The following ADAT1 variants were observed in gnomAD, a reference collection of about 807,000 sequenced individuals.
ADAT1 encodes the protein adenosine deaminase tRNA specific 1, also known as tRNA-specific adenosine deaminase 1.
Under a neutral mutation model 58.6 loss-of-function variants are expected in ADAT1, and 58 were observed. The ratio of observed to expected loss-of-function variants is 0.99; its 90% CI spans 0.80 to 1.23. The LOEUF (loss-of-function observed/expected upper bound fraction) is 1.23. ADAT1 is among the 50% of genes most tolerant of loss of function. The pLI, the probability that ADAT1 is intolerant of heterozygous loss-of-function variation, is 0.00. For synonymous variants in ADAT1, 254 were observed against 220.8 expected, an observed-to-expected ratio of 1.15 and a Z score of -1.33; for missense variants, 741 against 608.6, an observed-to-expected ratio of 1.22 and a Z score of -2.29.
rs773536992 is a variant in ADAT1, at chr16:75,599,973, A to G, written c.*243T>C. On this transcript the variant is annotated 3_prime_UTR_variant, in exon 10 of 10. Transcript: ENST00000564657. ...AAACTCTGATTTCATATTTTAGAGA[A>G]GCAATAAAACACAATGGAAGTCAGA... is the stretch of plus-strand genomic sequence containing the variant. 1.2e-5 allele frequency: 15 copies of G among 1,232,456 alleles called. No individual in the cohort carries two copies. The highest frequency in any genetic ancestry group is 4.0e-5 in the Admixed American group (1 of 25,186). The allele number at this position is 1,232,456 out of a possible 1,614,324, so 76.3% of individuals were successfully genotyped here.
At position 75,597,908 on chromosome 16, in the gene ADAT1, C is replaced by T. The variant is rs1181182687; in HGVS notation, c.*2308G>A. Among the ~76,000 whole-genome samples the T allele has an allele frequency of 1.3e-5, 2 of 152,168 alleles. No individual in the cohort carries two copies. The highest frequency in any genetic ancestry group is 2.4e-5 in the African/African-American group (1 of 41,440). On this transcript the variant is annotated 3_prime_UTR_variant, in exon 10 of 10. Coordinates refer to ENST00000564657, the MANE Select transcript of ADAT1 (RefSeq NM_001324445.2). ...ATACAGATGAAACTTCAAGTGCTCACCTGTTACTTATCTCCTGCTGTGTGA... is the reference window on the plus strand; with the variant it reads ...ATACAGATGAAACTTCAAGTGCTCATCTGTTACTTATCTCCTGCTGTGTGA...
At chr16:75,614,789 C>G (rs960959796) in intron 5 of ADAT1, among the ~76,000 whole-genome samples, 17 of 152,358 alleles carry the variant, frequency 1.1e-4, no homozygotes, top group African/African-American at 4.1e-4. Flanking sequence ...GAGGCACATT[C>G]TCTAGGTAAT....
chr16:75,617,228 T>TCC lies in ADAT1; in HGVS notation c.336_337dup (p.Asp113GlyfsTer60). On this transcript the variant is annotated frameshift_variant, in exon 5 of 10. Transcript: ENST00000564657. LOFTEE classifies it high-confidence loss of function. ...TTGAGTTCCTGGGACAAAGATGCTA[T>TCC]CCTCTTTCAGGGTGGCTGCCAACTG... The TCC allele has an allele frequency of 6.2e-7, 1 of 1,614,040 alleles. No individual in the cohort carries two copies. Among genetic ancestry groups the TCC allele is most frequent in the Non-Finnish European group, 8.5e-7 (1 of 1,179,896 alleles).
At position 75,620,679 on chromosome 16, in the gene ADAT1, G is replaced by C; in HGVS notation, c.121C>G (p.Gln41Glu). ...WTLLAAVVKI[Q>E]SPADKACDTP... Reference sequence around the variant, plus strand: ...TCGCAGGCCTTGTCAGCTGGAGATTGTATCTTCACCACCGCTGCCAATAAT... The same window carrying C: ...TCGCAGGCCTTGTCAGCTGGAGATTCTATCTTCACCACCGCTGCCAATAAT... Residue 41 changes from glutamine (Q) to glutamate (E), a missense_variant, in exon 2 of 10, where the codon CAA (glutamine) becomes GAA (glutamate). Coordinates refer to ENST00000564657, the MANE Select transcript of ADAT1 (RefSeq NM_001324445.2). The C allele has an allele frequency of 6.2e-7, 1 of 1,613,970 alleles. No homozygotes were observed. Among genetic ancestry groups the C allele is most frequent in the Non-Finnish European group, 8.5e-7 (1 of 1,180,034 alleles).
Position 75,612,286 on chromosome 16 carries a change from AC to A in ADAT1, c.999del (p.Lys333AsnfsTer13), listed in dbSNP as rs752299175. The A allele has an allele frequency of 6.8e-6, 11 of 1,613,956 alleles. No individual in the cohort carries two copies. In the African/African-American group the frequency reaches 1.5e-4, roughly 22 times the overall value. ...TGCATGGCTTCCTGGCTGTATGGGCACTTCCCAATGACCACAGCTGACAGGT... is the reference window on the plus strand; with the variant it reads ...TGCATGGCTTCCTGGCTGTATGGGCATTCCCAATGACCACAGCTGACAGGT... ...PIYLSAVVIG[K>X]CPYSQEAMQR... On this transcript the variant is annotated frameshift_variant, in exon 6 of 10. Coordinates refer to ENST00000564657, the MANE Select transcript of ADAT1 (RefSeq NM_001324445.2). LOFTEE classifies it high-confidence loss of function.
chr16:75,601,172 C>G (rs1329960385), intron 9 of ADAT1, among the ~76,000 whole-genome samples: 1 of 152,024 alleles, frequency 6.6e-6, no homozygotes, highest in East Asian at 1.9e-4. Flanking sequence ...GAAACCCCAT[C>G]TCTACTAAAA....
At position 75,618,590 on chromosome 16, in the gene ADAT1, G is replaced by GGAAACTCCTTCTGGCTA. The variant is rs745738208; in HGVS notation, c.272_288dup (p.Gln97Ter). ...ACTCTGGAGATGTGGCTTTACCTTT[G>GGAAACTCCTTCTGGCTA]GAAACTCCTTCTGGCTATGACCTCA... is the stretch of plus-strand genomic sequence containing the variant. On this transcript the variant is annotated stop_gained and frameshift_variant, in exon 4 of 10. Coordinates refer to ENST00000564657, the MANE Select transcript of ADAT1 (RefSeq NM_001324445.2). LOFTEE classifies it high-confidence loss of function. 1.9e-5 allele frequency: 30 copies of GGAAACTCCTTCTGGCTA among 1,602,514 alleles called. No individual in the cohort carries two copies. The highest frequency in any genetic ancestry group is 2.5e-5 in the Non-Finnish European group (29 of 1,175,242).
rs1212247137 is a variant in ADAT1 at position 75,622,438 on chromosome 16, G to T, written c.-57C>A. On this transcript the variant is annotated 5_prime_UTR_variant, in exon 1 of 10. Transcript: ENST00000564657. ...TAGGGAGGCATCACAAGGCAGTATAGTTTATGAAGACCACCTGGCCATCGA... is the reference window on the plus strand; with the variant it reads ...TAGGGAGGCATCACAAGGCAGTATATTTTATGAAGACCACCTGGCCATCGA... 6.6e-6 allele frequency: 1 copy of T among 152,192 alleles called. No homozygotes were observed. The highest frequency in any genetic ancestry group is 1.5e-5 in the Non-Finnish European group (1 of 68,030). 9.4% of individuals were successfully genotyped at this position (152,192 alleles called of 1,614,324 possible).
At chr16:75,620,474 C>G in intron 2 of ADAT1, 140 bp from the exon 3 acceptor site, 4 of 1,377,146 alleles carry the variant, frequency 2.9e-6, no homozygotes, top group Non-Finnish European at 4.1e-6. Context: ...ATGGCGGTCT[C>G]CCGCCATCAG....
chr16:75,618,689 G>C, intron 3 of ADAT1, 49 bp from the exon 4 acceptor site: 6 of 1,603,832 alleles, frequency 3.7e-6, no homozygotes, highest in Non-Finnish European at 5.1e-6. Context: ...AGCTGGAGAG[G>C]GTCTGGTTCC....
At chr16:75,604,474 TACACACACAC>T (rs373687206) in intron 8 of ADAT1, among the ~76,000 whole-genome samples, 1,635 of 53,728 alleles carry the variant, frequency 0.03, 107 homozygotes, top group East Asian at 0.28. Context: ...TATATATATA[TACACACACAC>T]ACACACACAC....
chr16:75,606,053 G>A (rs890246466), intron 8 of ADAT1, among the ~76,000 whole-genome samples: 1 of 43,422 alleles, frequency 2.3e-5, no homozygotes, highest in African/African-American at 9.2e-5. Context: ...TTAGAGATTG[G>A]GGGGGGGGTC....
chr16:75,611,520 G>C (rs376021592), intron 6 of ADAT1, among the ~76,000 whole-genome samples: 1 of 151,908 alleles, frequency 6.6e-6, no homozygotes, highest in African/African-American at 2.4e-5. Flanking sequence ...CCTATTCTAG[G>C]ACTACAGGTG....
intron 1 of ADAT1, among the ~76,000 whole-genome samples, chr16:75,621,344 AC>A (rs1242642983): frequency 6.6e-6 from 1 of 151,736 alleles, no homozygotes; most frequent in East Asian, 2.0e-4. Flanking sequence ...CTCAGCAGTT[AC>A]GTGTTCTCAT....
chr16:75,609,111 GCAGA>G lies in ADAT1; in HGVS notation c.1044-127_1044-124del, dbSNP rs766287159. ...TGTGGGGATTTGTTTATTTATTTGGGCAGACAGTGTTTCAGAATAGAATCAAGAT... is the reference window on the plus strand; with the variant it reads ...TGTGGGGATTTGTTTATTTATTTGGGCAGTGTTTCAGAATAGAATCAAGAT... On this transcript the variant is annotated intron_variant, in intron 6 of 9. Transcript: ENST00000564657. The G allele has an allele frequency of 2.8e-4, 326 of 1,156,678 alleles. 1 individual carries two copies. The East Asian group carries it at 3.8e-3, about 14-fold the overall frequency. The allele number at this position is 1,156,678 out of a possible 1,614,324, so 71.7% of individuals were successfully genotyped here. A position where few individuals can be genotyped will look rare whatever the true frequency, so the allele number is the denominator to read the frequency against.
chr16:75,600,499 A>T, intron 9 of ADAT1, 151 bp from the exon 10 acceptor site: 1 of 1,326,048 alleles, frequency 7.5e-7, no homozygotes, highest in Non-Finnish European at 1.0e-6. Flanking sequence ...TGATCATACA[A>T]ACTACGTTAT....
At chr16:75,619,418 G>C (rs1339327508) in intron 3 of ADAT1, among the ~76,000 whole-genome samples, 1 of 151,996 alleles carries the variant, frequency 6.6e-6, no homozygotes, top group East Asian at 1.9e-4. Flanking sequence ...CACACCTATA[G>C]TCCAGCTACT....
intron 4 of ADAT1, 116 bp downstream of exon 4, chr16:75,618,470 C>A: frequency 1.7e-6 from 1 of 589,992 alleles, no homozygotes; most frequent in Non-Finnish European, 2.8e-6. Flanking sequence ...CATGCCACTG[C>A]ACTCCAGCCT....
At chr16:75,605,682 T>G (rs112823390) in intron 8 of ADAT1, among the ~76,000 whole-genome samples, 5,437 of 151,850 alleles carry the variant, frequency 0.036, 154 homozygotes, top group African/African-American at 0.079. Context: ...ATATCTGTAA[T>G]CCCAGCACTT....
Sources: allele counts gnomAD v4.1 joint callset (sites outside exome capture counted in the v4.1 genomes callset), GRCh38; gene constraint gnomAD v4.1.1; transcripts MANE v1.5; gene names NCBI Gene and HGNC (gene_info 2026-07-23, HGNC 2026-07-21).